MYO7A: variants seen among roughly 807,000 people sequenced by gnomAD.
MYO7A encodes unconventional myosin-VIIa.
Under a neutral mutation model 263.8 loss-of-function variants are expected in MYO7A, and 210 were observed. The ratio of observed to expected loss-of-function variants is 0.80; its 90% CI spans 0.71 to 0.89. MYO7A has a LOEUF of 0.89. MYO7A is among the 40% of genes least tolerant of loss of function. The pLI, the probability that MYO7A is intolerant of heterozygous loss-of-function variation, is 0.00. For missense variants in MYO7A, 2,820 were observed against 2,968.3 expected, an observed-to-expected ratio of 0.95 and a Z score of 1.16; for synonymous variants, 1,239 against 1,197.3, an observed-to-expected ratio of 1.03 and a Z score of -0.72.
Position 77,175,421 on chromosome 11 carries a change from C to G in MYO7A, c.2144C>G (p.Thr715Ser), listed in dbSNP as rs577582085. The change falls in exon 18 of 49, where the codon ACC (threonine) becomes AGC (serine). Residue 715 changes from threonine to serine, a missense_variant. Transcript: ENST00000409709. The part of the protein sequence containing the change: ...CQRMAEAVLG[T>S]HDDWQIGKTK... ...CGCATGGCTGAGGCTGTGCTGGGCA[C>G]CCACGATGACTGGCAGATAGGCAAA... is the stretch of plus-strand genomic sequence containing the variant. The G allele has an allele frequency of 1.9e-6, 3 of 1,613,384 alleles. No individual in the cohort carries two copies. The highest frequency in any genetic ancestry group is 2.2e-5 in the South Asian group (2 of 91,080).
Position 77,211,961 on chromosome 11 carries a change from AGAG to A in MYO7A, c.6354+32_6354+34del, listed in dbSNP as rs763241070. The A allele has an allele frequency of 2.5e-5, 40 of 1,572,850 alleles. No homozygotes were observed. The East Asian group carries it at 7.4e-4, about 29-fold the overall frequency. On this transcript the variant is annotated intron_variant, in intron 46 of 48. Transcript: ENST00000409709. ...AGGTACACCATGGGCTTCTCAGAGCAGAGGAGGAGGGGAACAGGGCATTGATAA... is the reference window on the plus strand; with the variant it reads ...AGGTACACCATGGGCTTCTCAGAGCAGAGGAGGGGAACAGGGCATTGATAA...
chr11:77,142,533 C>T (rs1951278166), intron 2 of MYO7A, 176 bp from the exon 3 acceptor site: 1 of 681,176 alleles, frequency 1.5e-6, no homozygotes, highest in South Asian at 1.5e-5. Context: ...GCATAAATGC[C>T]CAGCCCAGGG....
rs1400976239 is a variant in MYO7A at position 77,192,901 on chromosome 11, TTGG to T, written c.4152+626_4152+628del. The stretch of plus-strand genomic sequence containing the variant: ...GATGGTGGAGGAGGTAGTGATGGTG[TTGG>T]TGATGGTGGAGGGTAGTGATGGTGT... On this transcript the variant is annotated intron_variant, in intron 31 of 48. Coordinates refer to ENST00000409709, the MANE Select transcript of MYO7A (RefSeq NM_000260.4). Among the ~76,000 whole-genome samples the T allele has an allele frequency of 2.1e-4, 10 of 47,120 alleles. No homozygotes were observed. The South Asian group carries it at 4.0e-3, about 19-fold the overall frequency. The allele number at this position is 47,120 out of a possible 152,430, so 30.9% of individuals were successfully genotyped here. A position where few individuals can be genotyped will look rare whatever the true frequency, so the allele number is the denominator to read the frequency against.
intron 4 of MYO7A, among the ~76,000 whole-genome samples, chr11:77,155,361 T>G (rs1423225150): frequency 6.6e-6 from 1 of 152,218 alleles, no homozygotes; most frequent in Non-Finnish European, 1.5e-5. Context: ...CCCTCTGTCC[T>G]GGGGCAGTGC....
At chr11:77,152,187 T>C (rs544748521) in intron 4 of MYO7A, among the ~76,000 whole-genome samples, 2 of 152,374 alleles carry the variant, frequency 1.3e-5, no homozygotes, top group South Asian at 4.1e-4. Flanking sequence ...TGTAGATAGA[T>C]AAGTAGTTAG....
chr11:77,132,645 C>T lies in MYO7A; in HGVS notation c.18+1993C>T, dbSNP rs185910539. 2.8e-3 allele frequency among the ~76,000 whole-genome samples: 419 copies of T among 152,232 alleles called. 2 individuals carry two copies. The highest frequency in any genetic ancestry group is 3.6e-3 in the Non-Finnish European group (243 of 68,016). On this transcript the variant is annotated intron_variant, in intron 2 of 48. Coordinates refer to ENST00000409709, the MANE Select transcript of MYO7A (RefSeq NM_000260.4). ...CTGGGATTACAGGCACCCGTCACCA[C>T]GTCCAACTAATTTTTGTATTTTTAA...
chr11:77,153,220 G>A (rs868918942), intron 4 of MYO7A, among the ~76,000 whole-genome samples: 4 of 152,160 alleles, frequency 2.6e-5, no homozygotes, highest in South Asian at 4.1e-4. Context: ...TGGCCAGGGA[G>A]GCGGCATGCA....
intron 31 of MYO7A, among the ~76,000 whole-genome samples, chr11:77,193,086 G>GATGGTGGAGGTGGTGATGGTGT: frequency 3.4e-5 from 3 of 88,590 alleles, no homozygotes; most frequent in Non-Finnish European, 4.2e-5. Context: ...GTAGTTGTTT[G>GATGGTGGAGGTGGTGATGGTGT]TGATGGTGGA....
intron 14 of MYO7A, 87 bp from the exon 15 acceptor site, chr11:77,165,969 T>A: frequency 1.1e-6 from 1 of 947,598 alleles, no homozygotes; most frequent in South Asian, 1.5e-5. Flanking sequence ...CTAGGTGGAT[T>A]TTGAGGGTCC....
At chr11:77,158,204 G>A in intron 8 of MYO7A, 73 bp from the exon 9 acceptor site, 2 of 1,449,372 alleles carry the variant, frequency 1.4e-6, no homozygotes, top group Non-Finnish European at 1.8e-6. Flanking sequence ...CTTTTGGGCA[G>A]GCAGCCAGGC....
rs749706085 is a variant in MYO7A, at chr11:77,214,640, A to G, written c.6592A>G (p.Ile2198Val). Residue 2198 changes from isoleucine to valine, a missense_variant, in exon 49 of 49, where the codon ATT becomes GTT. Ile to Val is a conservative substitution (Grantham distance 29). Transcript: ENST00000409709. ...YKMDDLLTSY[I>V]SQMLTAMSKQ... is the part of the protein sequence containing the mutation. ...GATGGATGACCTCCTGACTTCCTAC[A>G]TTAGCCAGATGCTCACAGCCATGAG... 2.5e-6 allele frequency: 4 copies of G among 1,589,442 alleles called. No individual in the cohort carries two copies. The highest frequency in any genetic ancestry group is 3.4e-6 in the Non-Finnish European group (4 of 1,168,016).
chr11:77,191,183 G>A lies in MYO7A; in HGVS notation c.3924+313G>A, dbSNP rs967161037. ...AAAAATACAAAAATTAGTGGAGCAC[G>A]GTGGCGCACGCCTGTAGTCCCAGCT... On this transcript the variant is annotated intron_variant, in intron 30 of 48. Transcript: ENST00000409709. 6.0e-5 allele frequency: 13 copies of A among 218,122 alleles called. 1 individual carries two copies. The highest frequency in any genetic ancestry group is 1.0e-4 in the Admixed American group (2 of 19,120). 13.5% of individuals were successfully genotyped at this position (218,122 alleles called of 1,614,324 possible).
At chr11:77,162,370 C>A in intron 13 of MYO7A, 40 bp downstream of exon 13, 2 of 1,526,358 alleles carry the variant, frequency 1.3e-6, no homozygotes, top group Non-Finnish European at 1.8e-6. Flanking sequence ...GTCTTGGGTG[C>A]GCACAGCTTC....
intron 11 of MYO7A, 46 bp from the exon 12 acceptor site, chr11:77,160,927 C>CG: frequency 6.4e-7 from 1 of 1,574,476 alleles, no homozygotes; most frequent in Non-Finnish European, 8.6e-7. Flanking sequence ...GCCTGTCCCC[C>CG]GGGGGAGGGT....
intron 31 of MYO7A, 110 bp from the exon 32 acceptor site, chr11:77,194,244 G>C: frequency 7.7e-7 from 1 of 1,300,994 alleles, no homozygotes; most frequent in Non-Finnish European, 1.1e-6. Context: ...GCCAGGCTCT[G>C]AGAGCTACAG....
At chr11:77,192,869 T>TGGTGGTGATGGTGGAGGA (rs1301493749) in intron 31 of MYO7A, among the ~76,000 whole-genome samples, 26 of 151,748 alleles carry the variant, frequency 1.7e-4, no homozygotes, top group African/African-American at 6.3e-4. Flanking sequence ...GTAATGATGA[T>TGGTGGTGATGGTGGAGGA]GGTGGTGATG....
chr11:77,208,702 G>C lies in MYO7A; in HGVS notation c.5950G>C (p.Val1984Leu). The change falls in exon 44 of 49, where the codon GTG becomes CTG. Residue 1984 changes from valine to leucine, a missense_variant. Coordinates refer to ENST00000409709, the MANE Select transcript of MYO7A (RefSeq NM_000260.4). ...KKARPIKDGI[V>L]PSLTYQVFFM... is the part of the protein sequence containing the mutation. The stretch of plus-strand genomic sequence containing the variant: ...CCGACTGCCCTGTGCTGCAGGAATT[G>C]TGCCCTCACTCACCTACCAGGTGTT... 6.3e-7 allele frequency: 1 copy of C among 1,582,226 alleles called. No individual in the cohort carries two copies. Among genetic ancestry groups the C allele is most frequent in the East Asian group, 2.3e-5 (1 of 43,100 alleles).
Position 77,144,844 on chromosome 11 carries a change from A to T in MYO7A, c.132+2022A>T, listed in dbSNP as rs1218034417. Among the ~76,000 whole-genome samples the T allele has an allele frequency of 2.0e-5, 3 of 152,150 alleles. No homozygotes were observed. The East Asian group carries it at 5.8e-4, about 29-fold the overall frequency. Reference sequence around the variant, plus strand: ...TTGTCCAAGCCATTTCTGTTGCCAGATACACCCCTCCTTCCCTTCCTCTAG... The same window carrying T: ...TTGTCCAAGCCATTTCTGTTGCCAGTTACACCCCTCCTTCCCTTCCTCTAG... On this transcript the variant is annotated intron_variant, in intron 3 of 48. Transcript: ENST00000409709.
At chr11:77,134,505 G>A (rs1203184693) in intron 2 of MYO7A, among the ~76,000 whole-genome samples, 3 of 151,774 alleles carry the variant, frequency 2.0e-5, no homozygotes, top group Non-Finnish European at 4.4e-5. Flanking sequence ...TGCCCAAGCT[G>A]GTGTGCAGAT....
Sources: gnomAD v4.1 joint callset for allele counts (sites outside exome capture counted in the v4.1 genomes callset) on GRCh38, gnomAD v4.1.1 for gene constraint, MANE v1.5 for transcripts, NCBI Gene and HGNC (gene_info 2026-07-23, HGNC 2026-07-21) for gene names.